Variants in MAP3K2 observed in about 807,000 individuals in gnomAD.
The protein encoded by MAP3K2 is mitogen-activated protein kinase kinase kinase 2, also known as MAP/ERK kinase kinase 2.
In MAP3K2, 24 loss-of-function variants were observed where a neutral mutation model predicts 80.3. The ratio of observed to expected loss-of-function variants is 0.30; its 90% CI spans 0.22 to 0.42. The LOEUF (loss-of-function observed/expected upper bound fraction) is 0.42, where lower values mean the gene tolerates loss of function less well. Ranked by LOEUF, MAP3K2 falls within the 10% of genes least tolerant of loss-of-function variation. MAP3K2 has a pLI of 1.00. For synonymous variants in MAP3K2, 244 were observed against 253.7 expected (o/e 0.96, Z 0.36); for missense variants, 608 against 750.1 (o/e 0.81, Z 2.21).
In MAP3K2 at chr2:127,370,045, C is replaced by G. The variant is rs139206169; in HGVS notation, c.-66+17407G>C. On this transcript the variant is annotated intron_variant, in intron 1 of 16. Coordinates refer to ENST00000682094, the MANE Select transcript of MAP3K2 (RefSeq NM_001371910.2). ...GGTAACAAGGGGATGTAAAGAAACT[C>G]ATCTAAGTAAGTTAGTTTACTTAGA... 2.4e-3 allele frequency among the ~76,000 whole-genome samples: 351 copies of G among 144,764 alleles called. 1 individual carries two copies. The highest frequency in any genetic ancestry group is 8.2e-3 in the African/African-American group (318 of 38,848). The allele number at this position is 144,764 out of a possible 152,430, so 95.0% of individuals were successfully genotyped here. A position where few individuals can be genotyped will look rare whatever the true frequency, so the allele number is the denominator to read the frequency against.
intron 1 of MAP3K2, among the ~76,000 whole-genome samples, chr2:127,346,692 A>G (rs1292274135): frequency 6.6e-6 from 1 of 152,128 alleles, no homozygotes; most frequent in Non-Finnish European, 1.5e-5. Context: ...TTAACAGAAC[A>G]AAGAACAAAA....
At chr2:127,372,396 C>A (rs1428374463) in intron 1 of MAP3K2, among the ~76,000 whole-genome samples, 1 of 152,054 alleles carries the variant, frequency 6.6e-6, no homozygotes, top group Non-Finnish European at 1.5e-5. Flanking sequence ...CCCATGATCA[C>A]CTTAAAAATT....
intron 1 of MAP3K2, among the ~76,000 whole-genome samples, chr2:127,373,992 T>C (rs753529949): frequency 9.2e-5 from 14 of 152,218 alleles, no homozygotes; most frequent in Non-Finnish European, 1.6e-4. Context: ...TTCTGTTGTT[T>C]TGCCTACTAA....
At chr2:127,370,678 A>G (rs1378784730) in intron 1 of MAP3K2, among the ~76,000 whole-genome samples, 1 of 152,218 alleles carries the variant, frequency 6.6e-6, no homozygotes, top group African/African-American at 2.4e-5. Context: ...CTAGCCATAG[A>G]GCTCTAGGAA....
Position 127,329,978 on chromosome 2 carries a change from C to G in MAP3K2, c.409G>C (p.Glu137Gln), listed in dbSNP as rs771009335. The change falls in exon 7 of 17, where the codon GAA becomes CAA. Residue 137 changes from glutamate to glutamine, a missense_variant. By Grantham distance (29) the Glu-to-Gln change is conservative (BLOSUM62 2). Coordinates refer to ENST00000682094, the MANE Select transcript of MAP3K2 (RefSeq NM_001371910.2). ...CCAAATACTGTATTATCCAAATCTT[C>G]TAGTGATGGCAATGGTTCTAAATTA... ...ATNLEPLPSL[E>Q]DLDNTVFGAE... is the part of the protein sequence containing the mutation. The G allele has an allele frequency of 6.2e-7, 1 of 1,609,730 alleles. No homozygotes were observed.
rs1276836218 is a variant in MAP3K2 at position 127,323,925 on chromosome 2, T to C, written c.815A>G (p.Tyr272Cys). The change falls in exon 11 of 17, where the codon TAT (tyrosine) becomes TGT (cysteine). Residue 272 changes from tyrosine to cysteine, a missense_variant. Tyr to Cys is a radical substitution (Grantham distance 194). Transcript: ENST00000682094. ...GTYPRRYHVS[Y>C]HHQEYNDGRK... Reference sequence around the variant, plus strand: ...ACCATCATTATACTCTTGATGATGATATGAAACATGATACCTTCTTGGATA... The same window carrying C: ...ACCATCATTATACTCTTGATGATGACATGAAACATGATACCTTCTTGGATA... The C allele has an allele frequency of 6.5e-7, 1 of 1,542,332 alleles. No homozygotes were observed.
At chr2:127,308,834 C>G in intron 15 of MAP3K2, 72 bp from the exon 16 acceptor site, 1 of 1,449,436 alleles carries the variant, frequency 6.9e-7, no homozygotes, top group South Asian at 1.3e-5. Context: ...AGAACAATGG[C>G]AGAGAATTAC....
chr2:127,330,355 C>G lies in MAP3K2; in HGVS notation c.378+37G>C, dbSNP rs778884645. 7.9e-6 allele frequency: 8 copies of G among 1,012,894 alleles called. No homozygotes were observed. In the South Asian group the frequency reaches 1.0e-4, roughly 13 times the overall value. The allele number at this position is 1,012,894 out of a possible 1,614,324, so 62.7% of individuals were successfully genotyped here. A position where few individuals can be genotyped will look rare whatever the true frequency, so the allele number is the denominator to read the frequency against. On this transcript the variant is annotated intron_variant, in intron 6 of 16. Transcript: ENST00000682094. ...ATGTTAACTTTTACAAGCCTAAGTC[C>G]TATAATTCTTACTGAAAAAAATATC...
Position 127,322,357 on chromosome 2 carries a change from G to A in MAP3K2, c.839-105C>T. 5 of 693,668 alleles carry A rather than the reference G, an allele frequency of 7.2e-6. No individual in the cohort carries two copies. Among genetic ancestry groups the A allele is most frequent in the South Asian group, 2.1e-5 (1 of 46,706 alleles). 43.0% of individuals were successfully genotyped at this position (693,668 alleles called of 1,614,324 possible). On this transcript the variant is annotated intron_variant, in intron 11 of 16. Transcript: ENST00000682094. This position sits in a 1 kb window ranked among gnomAD's most constrained non-coding sequence, Gnocchi z 4.2. Reference sequence around the variant, plus strand: ...AGAATAGAAATTTGTCCTGTGACTAGGCTAAGAAACTCAAATAGGAATGAT... The same window carrying A: ...AGAATAGAAATTTGTCCTGTGACTAAGCTAAGAAACTCAAATAGGAATGAT...
intron 9 of MAP3K2, among the ~76,000 whole-genome samples, chr2:127,325,372 T>C (rs1478912800): frequency 6.6e-6 from 1 of 152,162 alleles, no homozygotes; most frequent in Non-Finnish European, 1.5e-5. Context: ...TTTACTCATA[T>C]CTATTAAAAA....
intron 1 of MAP3K2, among the ~76,000 whole-genome samples, chr2:127,384,916 C>T (rs1471148868): frequency 6.6e-6 from 1 of 152,108 alleles, no homozygotes; most frequent in Non-Finnish European, 1.5e-5. Context: ...GGATTATAAG[C>T]GTGACCCCAT....
chr2:127,337,759 A>G lies in MAP3K2; in HGVS notation c.143T>C (p.Phe48Ser). The G allele has an allele frequency of 6.5e-7, 1 of 1,529,934 alleles. No individual in the cohort carries two copies. Among genetic ancestry groups the G allele is most frequent in the Non-Finnish European group, 8.9e-7 (1 of 1,128,126 alleles). The allele number at this position is 1,529,934 out of a possible 1,614,324, so 94.8% of individuals were successfully genotyped here. A position where few individuals can be genotyped will look rare whatever the true frequency, so the allele number is the denominator to read the frequency against. The part of the protein sequence containing the change: ...PKKQNDVRVK[F>S]EHRGEKRILQ... ...TTACCTTTTTTCTCCTCTATGTTCA[A>G]ATTTGACTCGGACATCATTCTGTAA... The change falls in exon 4 of 17, where the codon TTT becomes TCT. Residue 48 changes from phenylalanine (F) to serine (S), a missense_variant. Phe to Ser is a radical substitution (Grantham distance 155, BLOSUM62 -2). Coordinates refer to ENST00000682094, the MANE Select transcript of MAP3K2 (RefSeq NM_001371910.2).
intron 15 of MAP3K2, 85 bp downstream of exon 15, chr2:127,314,669 T>C: frequency 9.5e-7 from 1 of 1,053,570 alleles, no homozygotes; most frequent in Non-Finnish European, 1.4e-6. Flanking sequence ...GATGAATTAA[T>C]GTTAAATGTC....
intron 15 of MAP3K2, among the ~76,000 whole-genome samples, chr2:127,312,400 T>A (rs930635183): frequency 6.6e-5 from 10 of 152,218 alleles, no homozygotes; most frequent in African/African-American, 2.4e-4. Context: ...ATCAACTATC[T>A]TCCTTTTCTC....
At chr2:127,309,772 A>C (rs1047206153) in intron 15 of MAP3K2, among the ~76,000 whole-genome samples, 1 of 152,240 alleles carries the variant, frequency 6.6e-6, no homozygotes, top group East Asian at 1.9e-4. Flanking sequence ...AGTTTTTTGG[A>C]GGAAGACCGC....
Position 127,301,032 on chromosome 2 carries a change from G to T in MAP3K2, c.*6547C>A, listed in dbSNP as rs186928261. On this transcript the variant is annotated 3_prime_UTR_variant, in exon 17 of 17. Transcript: ENST00000682094. ...AGAAGTGAACTTAAAAGTGCTTTTC[G>T]GTATGGTCATGAACTTTACTGTTCT... 1.3e-5 allele frequency: 2 copies of T among 152,230 alleles called. No individual in the cohort carries two copies. The highest frequency in any genetic ancestry group is 3.9e-4 in the East Asian group (2 of 5,192). 9.4% of individuals were successfully genotyped at this position (152,230 alleles called of 1,614,324 possible).
intron 1 of MAP3K2, among the ~76,000 whole-genome samples, chr2:127,366,872 T>TG (rs1406684181): frequency 1.2e-4 from 16 of 129,748 alleles, no homozygotes; most frequent in South Asian, 4.9e-4. Context: ...AAGGGTTTTT[T>TG]TTTTTTTTTT....
chr2:127,377,967 T>C (rs773434765), intron 1 of MAP3K2, among the ~76,000 whole-genome samples: 2 of 152,168 alleles, frequency 1.3e-5, no homozygotes, highest in South Asian at 2.1e-4. Context: ...CTGGACAACA[T>C]AGAGAGACCT....
chr2:127,369,197 G>A (rs988404738), intron 1 of MAP3K2, among the ~76,000 whole-genome samples: 4 of 150,822 alleles, frequency 2.7e-5, no homozygotes, highest in Admixed American at 6.6e-5. Flanking sequence ...TGATCTGCCC[G>A]CCTCGGCCTC....
Sources: gnomAD v4.1 joint callset for allele counts (sites outside exome capture counted in the v4.1 genomes callset) on GRCh38, gnomAD v4.1.1 for gene constraint, Gnocchi (gnomAD v3.1) non-coding constraint, MANE v1.5 for transcripts, NCBI Gene and HGNC (gene_info 2026-07-23, HGNC 2026-07-21) for gene names.